Variants in ANTXRL observed in about 807,000 individuals in gnomAD.
ANTXRL encodes the protein ANTXR like.
In ANTXRL, 63 loss-of-function variants were observed where a neutral mutation model predicts 75.4. The ratio of observed to expected loss-of-function variants is 0.84; its 90% CI spans 0.68 to 1.03. ANTXRL has a LOEUF of 1.03. Among genes scored for constraint, ANTXRL ranks in the 50% least tolerant of loss-of-function variants. ANTXRL has a pLI of 0.00. For missense variants in ANTXRL, 797 were observed against 789.4 expected, an observed-to-expected ratio of 1.01 and a Z score of -0.12; for synonymous variants, 335 against 291.3, an observed-to-expected ratio of 1.15 and a Z score of -1.53.
chr10:46,292,017 G>T, intron 1 of ANTXRL, 41 bp from the exon 2 acceptor site: 1 of 1,523,322 alleles, frequency 6.6e-7, no homozygotes, highest in Non-Finnish European at 8.8e-7. Flanking sequence ...CCATCGGAGA[G>T]ATGCACTCAT....
rs1554967442 is a variant in ANTXRL at position 46,330,127 on chromosome 10, G to C, written c.*43G>C. ...ATTAACAGGCTTTTGTTGCTGAACT[G>C]GACATATACATTGAGTCTTTTCTTG... On this transcript the variant is annotated 3_prime_UTR_variant, in exon 17 of 17. Coordinates refer to ENST00000620264, the MANE Select transcript of ANTXRL (RefSeq NM_001278688.3). 1 of 1,451,976 alleles carries C rather than the reference G, an allele frequency of 6.9e-7. No homozygotes were observed. Among genetic ancestry groups the C allele is most frequent in the East Asian group, 2.5e-5 (1 of 40,134 alleles). The allele number at this position is 1,451,976 out of a possible 1,614,324, so 89.9% of individuals were successfully genotyped here.
chr10:46,323,113 A>G (rs1839056359), intron 16 of ANTXRL, among the ~76,000 whole-genome samples: 1 of 152,192 alleles, frequency 6.6e-6, no homozygotes, highest in Non-Finnish European at 1.5e-5. Context: ...CTATTTGTGT[A>G]AATATTTACT....
At chr10:46,300,181 CG>C (rs797027788) in intron 9 of ANTXRL, among the ~76,000 whole-genome samples, 3 of 152,148 alleles carry the variant, frequency 2.0e-5, no homozygotes, top group African/African-American at 7.2e-5. Flanking sequence ...TCACGTGGCC[CG>C]GCAGTCACAG....
chr10:46,303,372 A>C (rs1177716702), intron 10 of ANTXRL, among the ~76,000 whole-genome samples: 3 of 152,172 alleles, frequency 2.0e-5, no homozygotes, highest in Non-Finnish European at 4.4e-5. Context: ...TATTTTCTCA[A>C]TTTAACATGG....
At chr10:46,302,242 C>T (rs528791309) in intron 9 of ANTXRL, among the ~76,000 whole-genome samples, 39 of 152,224 alleles carry the variant, frequency 2.6e-4, no homozygotes, top group African/African-American at 9.4e-4. Flanking sequence ...GAGGAGAGAC[C>T]TCGAATGTTC....
intron 16 of ANTXRL, among the ~76,000 whole-genome samples, chr10:46,323,189 A>T (rs1554965899): frequency 6.6e-6 from 1 of 152,164 alleles, no homozygotes; most frequent in Non-Finnish European, 1.5e-5. Flanking sequence ...AGCTGACTTA[A>T]GTTGAGGAAG....
upstream of ANTXRL, among the ~76,000 whole-genome samples, chr10:46,286,680 C>T (rs1554955255): frequency 6.6e-6 from 1 of 152,170 alleles, no homozygotes; most frequent in African/African-American, 2.4e-5. Context: ...TTTCCATCTC[C>T]TTCCCGAACT....
chr10:46,322,745 T>C (rs1839040876), intron 16 of ANTXRL, among the ~76,000 whole-genome samples: 1 of 152,138 alleles, frequency 6.6e-6, no homozygotes, highest in African/African-American at 2.4e-5. Context: ...TTTACATCCT[T>C]TAGATACCAA....
At position 46,287,480 on chromosome 10, in the gene ANTXRL, G is replaced by T; in HGVS notation, c.218G>T (p.Gly73Val). The T allele has an allele frequency of 6.5e-7, 1 of 1,535,786 alleles. No homozygotes were observed. Residue 73 changes from glycine (G) to valine (V), a missense_variant, in exon 1 of 17, where the codon GGC becomes GTC. Gly to Val is a moderately radical substitution (Grantham distance 109). Coordinates refer to ENST00000620264, the MANE Select transcript of ANTXRL (RefSeq NM_001278688.3). ...GGGCAAGCAGGTCACAGATGCCAGG[G>T]CTCATTTGACCTCTACTTCATCTTG... ...RQGQAGHRCQ[G>V]SFDLYFILDK...
At position 46,329,631 on chromosome 10, in the gene ANTXRL, C is replaced by T. The variant is rs1554967106; in HGVS notation, c.1443C>T (p.Ser481=). The change falls in exon 17 of 17, where the codon TCC becomes TCT. Residue 481 remains serine (S), a synonymous_variant. Coordinates refer to ENST00000620264, the MANE Select transcript of ANTXRL (RefSeq NM_001278688.3). ...GRYLSLALAQ[S]QYAQAPCCPR... ...ACCTCAGCTTAGCCCTTGCACAGTC[C>T]CAATATGCACAGGCTCCCTGCTGCC... 6.5e-7 allele frequency: 1 copy of T among 1,536,456 alleles called. No homozygotes were observed. The highest frequency in any genetic ancestry group is 1.2e-5 in the South Asian group (1 of 84,040).
Position 46,298,009 on chromosome 10 carries a change from C to T in ANTXRL, c.743C>T (p.Ser248Leu). 2 of 1,535,888 alleles carry T rather than the reference C, an allele frequency of 1.3e-6. No individual in the cohort carries two copies. The highest frequency in any genetic ancestry group is 1.7e-6 in the Non-Finnish European group (2 of 1,146,728). Residue 248 changes from serine (S) to leucine (L), a missense_variant, in exon 9 of 17, where the codon TCA becomes TTA. Ser to Leu is a moderately radical substitution (Grantham distance 145). Transcript: ENST00000620264. Reference protein sequence around the residue: ...ALRSTIDALTSKVCLDVTSVE... With the variant: ...ALRSTIDALTLKVCLDVTSVE... The stretch of plus-strand genomic sequence containing the variant: ...ACCCCTCCTGTGTTCCAGCTCACGT[C>T]AAAGGTCTGTCTTGATGTGACATCG...
intron 10 of ANTXRL, among the ~76,000 whole-genome samples, chr10:46,306,437 T>G (rs530461020): frequency 1.3e-5 from 2 of 152,174 alleles, no homozygotes; most frequent in Non-Finnish European, 2.9e-5. Flanking sequence ...GGAGAAGTCA[T>G]GCATAATGAA....
rs1365513813 is a variant in ANTXRL at position 46,306,851 on chromosome 10, CA to C, written c.948del (p.Lys316AsnfsTer2). On this transcript the variant is annotated frameshift_variant, in exon 11 of 17. Transcript: ENST00000620264. LOFTEE classifies it high-confidence loss of function. ...IDNNSMNCPG[P>X]KLEKPGEEYS... ...AATAATTCCATGAATTGCCCTGGGC[CA>C]AAACTAGAAAAACCTGGAGAGTAAG... The C allele has an allele frequency of 6.5e-7, 1 of 1,529,140 alleles. No individual in the cohort carries two copies. The highest frequency in any genetic ancestry group is 8.7e-7 in the Non-Finnish European group (1 of 1,144,306). The allele number at this position is 1,529,140 out of a possible 1,614,324, so 94.7% of individuals were successfully genotyped here.
At chr10:46,292,518 C>A (rs1486427133) in intron 2 of ANTXRL, among the ~76,000 whole-genome samples, 2 of 152,150 alleles carry the variant, frequency 1.3e-5, no homozygotes, top group Non-Finnish European at 2.9e-5. Context: ...AGGACAAAGT[C>A]AAGGATGGCT....
At chr10:46,326,023 C>T (rs1679889297) in intron 16 of ANTXRL, among the ~76,000 whole-genome samples, 1 of 151,744 alleles carries the variant, frequency 6.6e-6, no homozygotes, top group African/African-American at 2.4e-5. Context: ...AGTTTTAGGC[C>T]ATGGAGTAAA....
chr10:46,295,912 CATCCAGGAGGA>C, intron 3 of ANTXRL, 96 bp from the exon 4 acceptor site: 1 of 900,620 alleles, frequency 1.1e-6, no homozygotes, highest in Non-Finnish European at 1.7e-6. Context: ...GCCCCTCCTT[CATCCAGGAGGA>C]CTGGCGCAAA....
intron 2 of ANTXRL, among the ~76,000 whole-genome samples, 189 bp from the exon 3 acceptor site, chr10:46,293,640 A>G (rs1195239866): frequency 1.3e-5 from 2 of 151,054 alleles, no homozygotes. Context: ...TGCCATCCTG[A>G]CTCTCCCTTC....
At chr10:46,318,369 C>G (rs1385159018) in intron 16 of ANTXRL, among the ~76,000 whole-genome samples, 1 of 151,976 alleles carries the variant, frequency 6.6e-6, no homozygotes, top group Admixed American at 6.6e-5. Context: ...CTTATTGGTA[C>G]AAGAGAAATT....
At chr10:46,288,640 C>T (rs1836857574) in intron 1 of ANTXRL, among the ~76,000 whole-genome samples, 2 of 152,144 alleles carry the variant, frequency 1.3e-5, no homozygotes, top group African/African-American at 4.8e-5. Context: ...TCTGTGCCTT[C>T]GTGTCCCCCA....
Sources: allele counts gnomAD v4.1 joint callset (sites outside exome capture counted in the v4.1 genomes callset), GRCh38; gene constraint gnomAD v4.1.1; transcripts MANE v1.5; gene names NCBI Gene and HGNC (gene_info 2026-07-23, HGNC 2026-07-21).